Variants in GREM2 observed in about 807,000 individuals in gnomAD.
GREM2 encodes the protein gremlin 2, DAN family BMP antagonist, also known as gremlin-2.
GREM2 carries 11 observed loss-of-function variants against 14.2 expected under a neutral mutation model. That is an observed-to-expected ratio of 0.78 (90% confidence interval 0.49 to 1.28). The LOEUF (loss-of-function observed/expected upper bound fraction) is 1.28. Ranked by LOEUF, GREM2 falls within the 50% of genes most tolerant of loss-of-function variation. The probability of loss-of-function intolerance (pLI) is 0.00; values close to 1 mark genes in which losing one functional copy is unlikely to be tolerated. For missense variants in GREM2, 210 were observed against 218.5 expected, an observed-to-expected ratio of 0.96 and a Z score of 0.24; for synonymous variants, 98 against 97.6, an observed-to-expected ratio of 1.00 and a Z score of -0.02.
At chr1:240,587,856 T>C (rs986437317) in intron 1 of GREM2, among the ~76,000 whole-genome samples, 9 of 152,176 alleles carry the variant, frequency 5.9e-5, no homozygotes, top group African/African-American at 2.2e-4. Context: ...AGTATTATTC[T>C]CTTTGGCCTG....
chr1:240,558,123 G>A (rs575730392), intron 1 of GREM2, among the ~76,000 whole-genome samples: 68 of 152,224 alleles, frequency 4.5e-4, no homozygotes, highest in African/African-American at 1.5e-3. Flanking sequence ...GGCTGGTTTA[G>A]GGACCAGGAA....
At chr1:240,565,525 G>C (rs1033457040) in intron 1 of GREM2, among the ~76,000 whole-genome samples, 6 of 152,000 alleles carry the variant, frequency 3.9e-5, no homozygotes, top group African/African-American at 1.4e-4. Context: ...TTGGTCTGTT[G>C]GGTACGATCA....
intron 1 of GREM2, among the ~76,000 whole-genome samples, chr1:240,553,104 A>G (rs1456490405): frequency 1.3e-5 from 2 of 152,224 alleles, no homozygotes; most frequent in Admixed American, 6.5e-5. Context: ...TCAGAATTCT[A>G]TCAGAAATCA....
At chr1:240,552,954 TC>T (rs11348638) in intron 1 of GREM2, among the ~76,000 whole-genome samples, 54,908 of 151,720 alleles carry the variant, frequency 0.36, 10,109 homozygotes, top group East Asian at 0.54. Flanking sequence ...AAGCCTTTCA[TC>T]CCCTTTCTTT....
intron 1 of GREM2, among the ~76,000 whole-genome samples, chr1:240,553,415 T>C (rs1678894442): frequency 6.6e-6 from 1 of 152,208 alleles, no homozygotes; most frequent in African/African-American, 2.4e-5. Flanking sequence ...TATACAAATT[T>C]CTTTTGATAT....
At chr1:240,601,429 A>G (rs914035751) in intron 1 of GREM2, among the ~76,000 whole-genome samples, 5 of 152,198 alleles carry the variant, frequency 3.3e-5, no homozygotes, top group African/African-American at 1.2e-4. Flanking sequence ...ATGTGAGGAC[A>G]TAGAGCCAAA....
In GREM2 at chr1:240,548,540, T is replaced by C. The variant is rs559437993; in HGVS notation, c.-1-55064A>G. ...TTGGGTTGATGGAACAATGATGTTT[T>C]CAATTATATCTATAAAGTATAAACT... On this transcript the variant is annotated intron_variant, in intron 1 of 1. Transcript: ENST00000318160. Among the ~76,000 whole-genome samples, 27 of 152,324 alleles carry C rather than the reference T, an allele frequency of 1.8e-4. No homozygotes were observed. The East Asian group carries it at 5.2e-3, about 29-fold the overall frequency.
intron 1 of GREM2, among the ~76,000 whole-genome samples, chr1:240,583,898 A>G (rs980144165): frequency 6.6e-6 from 1 of 151,766 alleles, no homozygotes; most frequent in Non-Finnish European, 1.5e-5. Context: ...CACCGCGCCC[A>G]GCCTTCATCT....
At chr1:240,583,145 C>T (rs1679523359) in intron 1 of GREM2, among the ~76,000 whole-genome samples, 1 of 152,072 alleles carries the variant, frequency 6.6e-6, no homozygotes, top group Non-Finnish European at 1.5e-5. Context: ...TCTGTAACTA[C>T]ATCGAATCAT....
intron 1 of GREM2, among the ~76,000 whole-genome samples, chr1:240,557,103 G>A (rs375299278): frequency 3.9e-5 from 6 of 151,902 alleles, no homozygotes; most frequent in African/African-American, 1.2e-4. Context: ...CCAGGAGGCA[G>A]AGGTTGCAGT....
chr1:240,598,289 C>T (rs930891071), intron 1 of GREM2, among the ~76,000 whole-genome samples: 1 of 152,130 alleles, frequency 6.6e-6, no homozygotes, highest in Non-Finnish European at 1.5e-5. Flanking sequence ...TCAAAAGACC[C>T]CAATGGCCTC....
At chr1:240,515,195 T>C (rs1413929312) in intron 1 of GREM2, among the ~76,000 whole-genome samples, 1 of 152,204 alleles carries the variant, frequency 6.6e-6, no homozygotes, top group Non-Finnish European at 1.5e-5. Context: ...GTCCAAGTGA[T>C]GTGCAATTGT....
chr1:240,538,547 AAT>A (rs1399680752), intron 1 of GREM2, among the ~76,000 whole-genome samples: 1 of 151,614 alleles, frequency 6.6e-6, no homozygotes. Context: ...TCCAAAAAAA[AAT>A]AATAATAATA....
chr1:240,523,305 G>T (rs536119295), intron 1 of GREM2, among the ~76,000 whole-genome samples: 1 of 152,158 alleles, frequency 6.6e-6, no homozygotes, highest in African/African-American at 2.4e-5. Flanking sequence ...GGGTTTCTCA[G>T]CTTCAGCACA....
chr1:240,510,193 C>A (rs1483984358), intron 1 of GREM2, among the ~76,000 whole-genome samples: 1 of 151,700 alleles, frequency 6.6e-6, no homozygotes, highest in Non-Finnish European at 1.5e-5. Flanking sequence ...CACGGTGAAA[C>A]CCCGTCTCCA....
intron 1 of GREM2, among the ~76,000 whole-genome samples, chr1:240,499,072 A>T (rs1009289631): frequency 4.6e-5 from 7 of 152,232 alleles, no homozygotes; most frequent in Non-Finnish European, 8.8e-5. Flanking sequence ...GCAGCTAAGG[A>T]ATCCATCACA....
chr1:240,496,039 C>T (rs1286675596), intron 1 of GREM2, among the ~76,000 whole-genome samples: 2 of 151,954 alleles, frequency 1.3e-5, no homozygotes, highest in Non-Finnish European at 2.9e-5. Flanking sequence ...CAAGTTCAAG[C>T]AATTCTCCTG....
At chr1:240,502,950 C>T (rs975579438) in intron 1 of GREM2, among the ~76,000 whole-genome samples, 2 of 152,228 alleles carry the variant, frequency 1.3e-5, no homozygotes, top group Admixed American at 1.3e-4. Flanking sequence ...GGTGCAGCCT[C>T]CTTGGAAAAG....
chr1:240,536,941 T>G (rs1222680541), intron 1 of GREM2, among the ~76,000 whole-genome samples: 2 of 152,196 alleles, frequency 1.3e-5, no homozygotes, highest in African/African-American at 4.8e-5. Flanking sequence ...AAAGCAAGAA[T>G]ACTAAGCAAC....
Sources: allele counts gnomAD v4.1 joint callset (sites outside exome capture counted in the v4.1 genomes callset), GRCh38; gene constraint gnomAD v4.1.1; transcripts MANE v1.5; gene names NCBI Gene and HGNC (gene_info 2026-07-23, HGNC 2026-07-21).